Variants in ATP6V0E1 observed in about 807,000 individuals in gnomAD.
The protein encoded by ATP6V0E1 is V-type proton ATPase subunit e 1.
ATP6V0E1 carries 4 observed loss-of-function variants against 11.6 expected under a neutral mutation model. The ratio of observed to expected loss-of-function variants is 0.35; its 90% confidence interval spans 0.17 to 0.79. The LOEUF (loss-of-function observed/expected upper bound fraction) is 0.79. Among genes scored for constraint, ATP6V0E1 ranks in the 30% least tolerant of loss-of-function variants. The probability of loss-of-function intolerance (pLI) is 0.54; values close to 1 mark genes in which losing one functional copy is unlikely to be tolerated. For missense variants in ATP6V0E1, 105 were observed against 100.0 expected, an observed-to-expected ratio of 1.05 and a Z score of -0.21; for synonymous variants, 36 against 34.8, an observed-to-expected ratio of 1.04 and a Z score of -0.13.
intron 3 of ATP6V0E1, among the ~76,000 whole-genome samples, chr5:173,022,602 C>T (rs549696329): frequency 2.6e-5 from 4 of 152,216 alleles, no homozygotes; most frequent in South Asian, 4.2e-4. Flanking sequence ...GCCCCAGCCT[C>T]CCAAGTAGCT....
At chr5:173,007,870 G>T (rs990964356) in intron 2 of ATP6V0E1, among the ~76,000 whole-genome samples, 2 of 152,170 alleles carry the variant, frequency 1.3e-5, no homozygotes, top group African/African-American at 2.4e-5. Flanking sequence ...GGTCATCGGG[G>T]GCATGGATGT....
intron 1 of ATP6V0E1, among the ~76,000 whole-genome samples, chr5:172,984,776 A>G (rs1755855973): frequency 6.6e-6 from 1 of 152,150 alleles, no homozygotes; most frequent in Admixed American, 6.5e-5. Flanking sequence ...TTCTCAGTTC[A>G]AGATGATGAG....
intron 3 of ATP6V0E1, among the ~76,000 whole-genome samples, chr5:173,032,379 C>G (rs1756678929): frequency 6.6e-6 from 1 of 151,540 alleles, no homozygotes; most frequent in East Asian, 2.0e-4. Context: ...CCTCCGCCTC[C>G]TGGGTTCAAG....
chr5:173,024,874 C>T (rs1350272119), intron 3 of ATP6V0E1, among the ~76,000 whole-genome samples: 1 of 136,096 alleles, frequency 7.3e-6, no homozygotes. Context: ...GACAGAATCT[C>T]GCTCTGACGC....
In ATP6V0E1 at chr5:172,995,877, G is replaced by C. The variant is rs114998292; in HGVS notation, c.152+1055G>C. 5.0e-3 allele frequency among the ~76,000 whole-genome samples: 754 copies of C among 152,252 alleles called. 8 individuals carry two copies. Among genetic ancestry groups the C allele is most frequent in the African/African-American group, 0.017 (717 of 41,532 alleles). ...ATCCTTCCATCTTAAGCCTCCCAAA[G>C]TGCTAGGATTACAGGCATGAGTCAC... On this transcript the variant is annotated intron_variant, in intron 2 of 3. Coordinates refer to ENST00000519374, the MANE Select transcript of ATP6V0E1 (RefSeq NM_003945.4).
chr5:173,031,375 C>G (rs974881205), intron 3 of ATP6V0E1, among the ~76,000 whole-genome samples: 1 of 151,394 alleles, frequency 6.6e-6, no homozygotes, highest in African/African-American at 2.4e-5. Flanking sequence ...TGAGCCACCG[C>G]ATCCGACCCT....
chr5:172,995,707 T>C (rs1397230882), intron 2 of ATP6V0E1, among the ~76,000 whole-genome samples: 1 of 152,160 alleles, frequency 6.6e-6, no homozygotes, highest in Non-Finnish European at 1.5e-5. Flanking sequence ...CTCAAACTCT[T>C]AGGCTCAGGC....
intron 3 of ATP6V0E1, among the ~76,000 whole-genome samples, chr5:173,032,226 A>G (rs1397491436): frequency 4.6e-5 from 5 of 109,034 alleles, no homozygotes; most frequent in African/African-American, 1.8e-4. Flanking sequence ...CATGTAACAT[A>G]ATGCACATTT....
chr5:173,008,809 G>C lies in ATP6V0E1; in HGVS notation c.153-11429G>C, dbSNP rs1756267365. On this transcript the variant is annotated intron_variant, in intron 2 of 3. Transcript: ENST00000519374. ...GCCTGTAGTCCCAGCTACTTGGGAG[G>C]CTGAGGCAGGAGAATGGCATGAACC... Among the ~76,000 whole-genome samples, 3 of 149,964 alleles carry C rather than the reference G, an allele frequency of 2.0e-5. No homozygotes were observed. In the South Asian group the frequency reaches 6.3e-4, roughly 32 times the overall value.
chr5:172,988,045 GT>G (rs1755923106), intron 1 of ATP6V0E1, among the ~76,000 whole-genome samples: 1 of 151,922 alleles, frequency 6.6e-6, no homozygotes, highest in Admixed American at 6.6e-5. Context: ...TATCCTATAA[GT>G]TTTTTTCCAT....
At chr5:172,998,135 ATGT>A (rs1371178178) in intron 2 of ATP6V0E1, among the ~76,000 whole-genome samples, 39 of 146,632 alleles carry the variant, frequency 2.7e-4, no homozygotes, top group Admixed American at 2.4e-3. Context: ...GTGATAAATG[ATGT>A]TGTTTGACTG....
chr5:172,987,823 T>C (rs1755919205), intron 1 of ATP6V0E1, among the ~76,000 whole-genome samples: 1 of 151,992 alleles, frequency 6.6e-6, no homozygotes, highest in Admixed American at 6.6e-5. Context: ...AAGGGATCCG[T>C]CCACCTCAGC....
At chr5:173,011,907 G>C (rs769261006) in intron 2 of ATP6V0E1, among the ~76,000 whole-genome samples, 1 of 151,790 alleles carries the variant, frequency 6.6e-6, no homozygotes, top group Non-Finnish European at 1.5e-5. Flanking sequence ...AGTTCTCTGC[G>C]TGTTTGTCAG....
chr5:173,024,895 T>C (rs895453460), intron 3 of ATP6V0E1, among the ~76,000 whole-genome samples: 4 of 148,208 alleles, frequency 2.7e-5, no homozygotes, highest in African/African-American at 9.9e-5. Context: ...CAGGCTGGAG[T>C]GCGGTGGCGT....
chr5:173,021,678 C>T (rs539625751), intron 3 of ATP6V0E1, among the ~76,000 whole-genome samples: 1 of 152,284 alleles, frequency 6.6e-6, no homozygotes, highest in East Asian at 1.9e-4. Flanking sequence ...CCAGGCCCCA[C>T]CTCCATCATT....
intron 2 of ATP6V0E1, among the ~76,000 whole-genome samples, chr5:173,013,937 T>C (rs1756367149): frequency 6.6e-6 from 1 of 152,176 alleles, no homozygotes; most frequent in Non-Finnish European, 1.5e-5. Context: ...GTGGATCATC[T>C]GAGATTAGGA....
intron 3 of ATP6V0E1, among the ~76,000 whole-genome samples, chr5:173,032,099 C>T (rs575445804): frequency 2.4e-4 from 37 of 151,920 alleles, no homozygotes; most frequent in African/African-American, 8.0e-4. Flanking sequence ...TTGCAGTGAG[C>T]GGTGATGGTG....
At chr5:172,994,152 C>T (rs932989519) in intron 1 of ATP6V0E1, among the ~76,000 whole-genome samples, 1 of 152,068 alleles carries the variant, frequency 6.6e-6, no homozygotes, top group Non-Finnish European at 1.5e-5. Context: ...AACTATAAAT[C>T]CACAGTATTT....
At chr5:173,028,085 A>G (rs1453450087) in intron 3 of ATP6V0E1, among the ~76,000 whole-genome samples, 1 of 152,118 alleles carries the variant, frequency 6.6e-6, no homozygotes, top group South Asian at 2.1e-4. Flanking sequence ...CACAGCACAC[A>G]CTCGGGCTCC....
Sources: gnomAD v4.1 joint callset for allele counts (sites outside exome capture counted in the v4.1 genomes callset) on GRCh38, gnomAD v4.1.1 for gene constraint, MANE v1.5 for transcripts, NCBI Gene and HGNC (gene_info 2026-07-23, HGNC 2026-07-21) for gene names.